MEST: variants seen among roughly 807,000 people sequenced by gnomAD.
MEST encodes mesoderm-specific transcript homolog protein.
A neutral mutation model predicts 50.9 loss-of-function variants in MEST; 18 were observed. The observed-to-expected ratio is 0.35, with a 90% CI of 0.24 to 0.52. MEST has a LOEUF of 0.52. Ranked by LOEUF, MEST falls within the 20% of genes least tolerant of loss-of-function variation. The pLI, the probability that MEST is intolerant of heterozygous loss-of-function variation, is 0.94. For synonymous variants in MEST, 130 were observed against 154.1 expected (o/e 0.84, Z 1.16); for missense variants, 282 against 425.3 (o/e 0.66, Z 2.96).
rs1799452321 is a variant in MEST, at chr7:130,505,698, C to T, written c.*642C>T. 6.6e-6 allele frequency: 1 copy of T among 152,210 alleles called. No homozygotes were observed. Among genetic ancestry groups the T allele is most frequent in the Non-Finnish European group, 1.5e-5 (1 of 68,030 alleles). 9.4% of individuals were successfully genotyped at this position (152,210 alleles called of 1,614,324 possible). On this transcript the variant is annotated 3_prime_UTR_variant, in exon 12 of 12. Transcript: ENST00000223215. The stretch of plus-strand genomic sequence containing the variant: ...ACATTATATATATTTTATAAAGATA[C>T]TAAACCAGCATACCCTTACTCTGCC...
chr7:130,500,971 C>A lies in MEST; in HGVS notation c.749+81C>A. 1 of 1,223,274 alleles carries A rather than the reference C, an allele frequency of 8.2e-7. No individual in the cohort carries two copies. Among genetic ancestry groups the A allele is most frequent in the South Asian group, 1.4e-5 (1 of 71,052 alleles). 75.8% of individuals were successfully genotyped at this position (1,223,274 alleles called of 1,614,324 possible). Reference sequence around the variant, plus strand: ...GATTGCTTGTTCTGTTCCTTGCTGGCTTATTCCCTATCACAGGAAGGCTGA... The same window carrying A: ...GATTGCTTGTTCTGTTCCTTGCTGGATTATTCCCTATCACAGGAAGGCTGA... On this transcript the variant is annotated intron_variant, in intron 9 of 11. Coordinates refer to ENST00000223215, the MANE Select transcript of MEST (RefSeq NM_002402.4). This position sits in a 1 kb window ranked among gnomAD's most constrained non-coding sequence, Gnocchi z 5.0.
chr7:130,502,656 C>T lies in MEST; in HGVS notation c.762C>T (p.Tyr254=), dbSNP rs782643229. The T allele has an allele frequency of 1.9e-6, 3 of 1,613,640 alleles. No individual in the cohort carries two copies. The highest frequency in any genetic ancestry group is 2.5e-6 in the Non-Finnish European group (3 of 1,179,622). Residue 254 remains tyrosine (Y), a synonymous_variant, in exon 10 of 12, where the codon TAC becomes TAT. Transcript: ENST00000223215. ...ACCTGTCCTACAGTCTCTTACAGTA[C>T]ATCAATCAGAGGAAGAAGTTCAGAA... ...GNLVIDSLLQ[Y]INQRKKFRRR...
rs1799442467 is a variant in MEST, at chr7:130,505,415, G to A, written c.*359G>A. On this transcript the variant is annotated 3_prime_UTR_variant, in exon 12 of 12. Coordinates refer to ENST00000223215, the MANE Select transcript of MEST (RefSeq NM_002402.4). Reference sequence around the variant, plus strand: ...GGACTTCTCTGAAATATTTAGAAGTGCTAATTTCTGGCCCACCCCCAACAG... The same window carrying A: ...GGACTTCTCTGAAATATTTAGAAGTACTAATTTCTGGCCCACCCCCAACAG... 1.2e-5 allele frequency: 2 copies of A among 162,876 alleles called. No individual in the cohort carries two copies. Among genetic ancestry groups the A allele is most frequent in the African/African-American group, 4.8e-5 (2 of 41,790 alleles). 10.1% of individuals were successfully genotyped at this position (162,876 alleles called of 1,614,324 possible). A position where few individuals can be genotyped will look rare whatever the true frequency, so the allele number is the denominator to read the frequency against.
upstream of MEST, among the ~76,000 whole-genome samples, chr7:130,491,686 C>T (rs797037274): frequency 7.2e-5 from 11 of 152,304 alleles, no homozygotes; most frequent in African/African-American, 2.2e-4. The surrounding 1 kb of genome is among the most constrained non-coding windows in gnomAD (Gnocchi z 6.8). Context: ...AGCGGCCATC[C>T]TCCTGTGGGG....
At position 130,505,917 on chromosome 7, in the gene MEST, C is replaced by G. The variant is rs1554439800; in HGVS notation, c.*861C>G. ...CATACCTCAGTGGTTAGAAGCATGT[C>G]TCTCTTGAGCTACAGTAGAGGGGAA... On this transcript the variant is annotated 3_prime_UTR_variant, in exon 12 of 12. Transcript: ENST00000223215. The G allele has an allele frequency of 6.6e-6, 1 of 152,322 alleles. No individual in the cohort carries two copies. Among genetic ancestry groups the G allele is most frequent in the African/African-American group, 2.4e-5 (1 of 41,454 alleles). 9.4% of individuals were successfully genotyped at this position (152,322 alleles called of 1,614,324 possible).
chr7:130,494,920 G>A, intron 1 of MEST: 4 of 816,222 alleles, frequency 4.9e-6, no homozygotes, highest in Non-Finnish European at 5.9e-6. Context: ...ACATTTTACT[G>A]GTTGGGGGTA....
intron 5 of MEST, 53 bp downstream of exon 5, chr7:130,498,328 T>C: frequency 6.2e-7 from 1 of 1,611,694 alleles, no homozygotes; most frequent in East Asian, 2.2e-5. Context: ...ACATTGTTTC[T>C]GGACTGTTTG....
chr7:130,498,652 C>T, intron 6 of MEST, 175 bp downstream of exon 6: 1 of 635,908 alleles, frequency 1.6e-6, no homozygotes, highest in Admixed American at 2.9e-5. Context: ...TTTATGGACC[C>T]TTTCTCAGAA....
intron 6 of MEST, chr7:130,498,870 G>GTAC (rs1799171291): frequency 9.1e-6 from 2 of 218,870 alleles, no homozygotes; most frequent in African/African-American, 4.6e-5. Context: ...GGTTATGAGA[G>GTAC]TGTAGGATTG....
chr7:130,490,009 A>G (rs1798738304), upstream of MEST: 1 of 152,206 alleles, frequency 6.6e-6, no homozygotes, highest in South Asian at 2.1e-4. Context: ...TAGGACTCAA[A>G]GTTTCCATTA....
chr7:130,493,315 A>G (rs1327465780), intron 1 of MEST: 1 of 152,144 alleles, frequency 6.6e-6, no homozygotes, highest in Non-Finnish European at 1.5e-5. Flanking sequence ...TTCTGTTTAC[A>G]AGATGAAGAA....
intron 1 of MEST, chr7:130,493,332 GC>G (rs1798906320): frequency 6.6e-6 from 1 of 152,102 alleles, no homozygotes; most frequent in African/African-American, 2.4e-5. Flanking sequence ...AGAAATCAAG[GC>G]TCAGAAATTT....
At chr7:130,495,595 C>T in intron 2 of MEST, 73 bp downstream of exon 2, 1 of 1,460,260 alleles carries the variant, frequency 6.8e-7, no homozygotes. Flanking sequence ...TATTTTGTGG[C>T]TATTGGTCTC....
At chr7:130,496,287 A>G in intron 2 of MEST, 5 of 418,798 alleles carry the variant, frequency 1.2e-5, no homozygotes, top group Non-Finnish European at 2.3e-5. Context: ...TTGAAGTAAA[A>G]GCTTCATGTC....
Position 130,505,693 on chromosome 7 carries a change from A to C in MEST, c.*637A>C, listed in dbSNP as rs1410162311. On this transcript the variant is annotated 3_prime_UTR_variant, in exon 12 of 12. Transcript: ENST00000223215. ...CCTATACATTATATATATTTTATAA[A>C]GATACTAAACCAGCATACCCTTACT... The C allele has an allele frequency of 6.6e-6, 1 of 152,252 alleles. No homozygotes were observed. Among genetic ancestry groups the C allele is most frequent in the East Asian group, 1.9e-4 (1 of 5,206 alleles). The allele number at this position is 152,252 out of a possible 1,614,324, so 9.4% of individuals were successfully genotyped here. A position where few individuals can be genotyped will look rare whatever the true frequency, so the allele number is the denominator to read the frequency against.
At chr7:130,496,490 T>C (rs1256170657) in intron 2 of MEST, 2 of 273,420 alleles carry the variant, frequency 7.3e-6, no homozygotes, top group African/African-American at 4.7e-5. Flanking sequence ...ATACCTGTTC[T>C]AATCCCATAC....
At chr7:130,489,426 A>G (rs1482574824), upstream of MEST, 9 of 152,238 alleles carry the variant, frequency 5.9e-5, no homozygotes, top group East Asian at 1.2e-3. Flanking sequence ...CAGGGCTCCA[A>G]GTGTTTTATA....
At position 130,493,861 on chromosome 7, in the gene MEST, T is replaced by A. The variant is rs552080540; in HGVS notation, c.27-1507T>A. ...ATGATCGTCAAAACCTAATGGTTTT[T>A]GTCATCTGACCTTTCAAGGAGATAC... On this transcript the variant is annotated intron_variant, in intron 1 of 11. Coordinates refer to ENST00000223215, the MANE Select transcript of MEST (RefSeq NM_002402.4). Among the ~76,000 whole-genome samples the A allele has an allele frequency of 2.0e-5, 3 of 152,346 alleles. No individual in the cohort carries two copies. The South Asian group carries it at 6.2e-4, about 32-fold the overall frequency.
intron 10 of MEST, 80 bp downstream of exon 10, chr7:130,502,800 T>G: frequency 1.0e-6 from 1 of 983,122 alleles, no homozygotes; most frequent in Non-Finnish European, 1.6e-6. Flanking sequence ...ACAATTAGGG[T>G]TACCAGATTT....
Sources: allele counts gnomAD v4.1 joint callset (sites outside exome capture counted in the v4.1 genomes callset), GRCh38; gene constraint gnomAD v4.1.1; non-coding constraint Gnocchi (gnomAD v3.1); transcripts MANE v1.5; gene names NCBI Gene and HGNC (gene_info 2026-07-23, HGNC 2026-07-21).